KIF2A: variants seen among roughly 807,000 people sequenced by gnomAD.
KIF2A encodes kinesin family member 2A, also known as kinesin-like protein KIF2A.
Under a neutral mutation model 100.2 loss-of-function variants are expected in KIF2A, and 22 were observed. The ratio of observed to expected loss-of-function variants is 0.22; its 90% CI spans 0.16 to 0.31. The LOEUF (loss-of-function observed/expected upper bound fraction) is 0.31, where lower values mean the gene tolerates loss of function less well. Ranked by LOEUF, KIF2A falls within the 10% of genes least tolerant of loss-of-function variation. The pLI is 1.00. For synonymous variants in KIF2A, 268 were observed against 285.9 expected, an observed-to-expected ratio of 0.94 and a Z score of 0.63; for missense variants, 495 against 898.7, an observed-to-expected ratio of 0.55 and a Z score of 5.74.
Position 62,381,128 on chromosome 5 carries a change from G to A in KIF2A, c.2024G>A (p.Arg675Gln), listed in dbSNP as rs1195921358. The change falls in exon 20 of 21, where the codon CGG becomes CAG. Residue 675 changes from arginine to glutamine, a missense_variant. Transcript: ENST00000407818. ...DHRAVFQESI[R>Q]WLEDEKALLE... ...TTTTTGTCCTTGTAGGAATCTATTC[G>A]GTGGTTAGAAGATGAAAAGGCCCTC... 5 of 1,610,454 alleles carry A rather than the reference G, an allele frequency of 3.1e-6. No homozygotes were observed. The highest frequency in any genetic ancestry group is 1.3e-5 in the African/African-American group (1 of 74,884).
chr5:62,354,798 C>T (rs1748017198), intron 6 of KIF2A, among the ~76,000 whole-genome samples: 1 of 151,980 alleles, frequency 6.6e-6, no homozygotes, highest in African/African-American at 2.4e-5. Context: ...GAGTTATTTG[C>T]CAGTGGTAAC....
At chr5:62,334,689 C>T (rs899992394) in intron 1 of KIF2A, among the ~76,000 whole-genome samples, 1 of 152,092 alleles carries the variant, frequency 6.6e-6, no homozygotes, top group Non-Finnish European at 1.5e-5. Flanking sequence ...GCCAGAAGGT[C>T]GCAACAGCAG....
At chr5:62,350,435 G>T (rs1427895850) in intron 4 of KIF2A, among the ~76,000 whole-genome samples, 1 of 151,852 alleles carries the variant, frequency 6.6e-6, no homozygotes, top group Admixed American at 6.6e-5. Flanking sequence ...GAGCCACTAT[G>T]CCCAGCTAAT....
Position 62,365,343 on chromosome 5 carries a change from G to A in KIF2A, c.1568G>A (p.Arg523His), listed in dbSNP as rs1741017088. The change falls in exon 15 of 21, where the codon CGT (arginine) becomes CAT (histidine). Residue 523 changes from arginine to histidine, a missense_variant. Arg to His is a conservative substitution (Grantham distance 29). Coordinates refer to ENST00000407818, the MANE Select transcript of KIF2A (RefSeq NM_001098511.3). Reference sequence around the variant, plus strand: ...GATTCTTTCATAGGTGAAAACTCTCGTACCTGCATGGTAAGTTTATGTTTA... The same window carrying A: ...GATTCTTTCATAGGTGAAAACTCTCATACCTGCATGGTAAGTTTATGTTTA... ...LRDSFIGENS[R>H]TCMIATISPG... 6.6e-7 allele frequency: 1 copy of A among 1,522,104 alleles called. No individual in the cohort carries two copies. Among genetic ancestry groups the A allele is most frequent in the Non-Finnish European group, 9.0e-7 (1 of 1,105,520 alleles). The allele number at this position is 1,522,104 out of a possible 1,614,324, so 94.3% of individuals were successfully genotyped here. A position where few individuals can be genotyped will look rare whatever the true frequency, so the allele number is the denominator to read the frequency against.
intron 1 of KIF2A, among the ~76,000 whole-genome samples, chr5:62,335,601 T>C (rs1330049112): frequency 6.6e-6 from 1 of 152,074 alleles, no homozygotes; most frequent in Non-Finnish European, 1.5e-5. Context: ...TGTTGGAAAG[T>C]TGGGGATATA....
At chr5:62,315,082 G>A (rs546159510) in intron 1 of KIF2A, among the ~76,000 whole-genome samples, 65 of 151,922 alleles carry the variant, frequency 4.3e-4, no homozygotes, top group Admixed American at 1.6e-3. Context: ...CATTTTGACC[G>A]CAACCCATCA....
rs368368814 is a variant in KIF2A at position 62,388,970 on chromosome 5, TTTC to T, written c.*3404_*3406del. 705 of 1,568,446 alleles carry T rather than the reference TTTC, an allele frequency of 4.5e-4. 15 individuals carry two copies. The South Asian group carries it at 7.5e-3, about 17-fold the overall frequency. On this transcript the variant is annotated 3_prime_UTR_variant, in exon 21 of 21. Transcript: ENST00000407818. Reference sequence around the variant, plus strand: ...TCAAATACAAAAAATACAAAATTCATTTCTTTTCTTGACCTTGAAAATTTCTGT... The same window carrying T: ...TCAAATACAAAAAATACAAAATTCATTTTTCTTGACCTTGAAAATTTCTGT...
chr5:62,322,462 C>T (rs1314768861), intron 1 of KIF2A, among the ~76,000 whole-genome samples: 2 of 152,110 alleles, frequency 1.3e-5, no homozygotes. Context: ...CAAGATGAGA[C>T]CTACCTTTAT....
chr5:62,373,879 T>A (rs773176309), intron 18 of KIF2A, 42 bp downstream of exon 18: 2 of 1,460,462 alleles, frequency 1.4e-6, no homozygotes, highest in Admixed American at 3.4e-5. Context: ...CTTAGTTCAT[T>A]TCATCAGTAG....
At chr5:62,385,237 GC>G (rs1170232594) in intron 20 of KIF2A, among the ~76,000 whole-genome samples, 1 of 152,108 alleles carries the variant, frequency 6.6e-6, no homozygotes, top group East Asian at 1.9e-4. Flanking sequence ...CTGTAAATGT[GC>G]CAAACAGAAC....
chr5:62,378,725 C>A (rs1181040296), intron 19 of KIF2A, among the ~76,000 whole-genome samples: 1 of 152,104 alleles, frequency 6.6e-6, no homozygotes, highest in Admixed American at 6.6e-5. Context: ...CAAGACTAGC[C>A]TGGGCAACAT....
rs958348972 is a variant in KIF2A at position 62,361,494 on chromosome 5, A to G, written c.992A>G (p.Asn331Ser). ...HTMGGDFSGK[N>S]QDCSKGIYAL... ...ATGGGTGGTGACTTTTCAGGAAAGA[A>G]CCAAGATTGTTCTAAAGGAATTTAT... Residue 331 changes from asparagine (N) to serine (S), a missense_variant, in exon 11 of 21, where the codon AAC becomes AGC. Physicochemically the swap from Asn to Ser is conservative, Grantham distance 46. Transcript: ENST00000407818. 16 of 1,586,104 alleles carry G rather than the reference A, an allele frequency of 1.0e-5. No homozygotes were observed. Among genetic ancestry groups the G allele is most frequent in the Admixed American group, 1.7e-5 (1 of 59,804 alleles).
At position 62,363,237 on chromosome 5, in the gene KIF2A, G is replaced by A; in HGVS notation, c.1179G>A (p.Gln393=). Residue 393 remains glutamine, a synonymous_variant, in exon 13 of 21, where the codon CAG becomes CAA. Transcript: ENST00000407818. ...GAGTTCTAGAAGATGGAAAACAGCA[G>A]GTTCAAGTGGTGGGATTACAGGAAC... ...KLRVLEDGKQ[Q]VQVVGLQERE... 3.1e-6 allele frequency: 5 copies of A among 1,613,252 alleles called. No homozygotes were observed. The highest frequency in any genetic ancestry group is 4.2e-6 in the Non-Finnish European group (5 of 1,179,418).
At chr5:62,325,222 C>G (rs1447629244) in intron 1 of KIF2A, among the ~76,000 whole-genome samples, 1 of 151,978 alleles carries the variant, frequency 6.6e-6, no homozygotes, top group East Asian at 1.9e-4. Context: ...CCTCCTGGGT[C>G]AAGTGGTTCT....
chr5:62,349,798 GA>G (rs146178245), intron 3 of KIF2A, among the ~76,000 whole-genome samples: 137 of 152,276 alleles, frequency 9.0e-4, no homozygotes, highest in African/African-American at 3.1e-3. Flanking sequence ...CAGTAGTAAT[GA>G]CCTCATAGGT....
chr5:62,357,720 A>G lies in KIF2A; in HGVS notation c.684A>G (p.Val228=). 1 of 1,563,216 alleles carries G rather than the reference A, an allele frequency of 6.4e-7. No homozygotes were observed. Among genetic ancestry groups the G allele is most frequent in the Non-Finnish European group, 8.8e-7 (1 of 1,136,778 alleles). ...PIDEHRICVC[V]RKRPLNKKET... Reference sequence around the variant, plus strand: ...ATGAACATAGGATATGTGTGTGTGTAAGAAAACGACCACTCAATAAAAAAG... The same window carrying G: ...ATGAACATAGGATATGTGTGTGTGTGAGAAAACGACCACTCAATAAAAAAG... Residue 228 remains valine (V), a synonymous_variant, in exon 8 of 21, where the codon GTA becomes GTG. Coordinates refer to ENST00000407818, the MANE Select transcript of KIF2A (RefSeq NM_001098511.3).
chr5:62,375,619 G>C (rs1031928833), intron 18 of KIF2A, among the ~76,000 whole-genome samples: 1 of 152,184 alleles, frequency 6.6e-6, no homozygotes, highest in African/African-American at 2.4e-5. Flanking sequence ...CTTTGTAGCA[G>C]ATACTTAGCC....
intron 1 of KIF2A, among the ~76,000 whole-genome samples, chr5:62,315,182 A>G (rs1039900306): frequency 2.0e-5 from 3 of 149,514 alleles, no homozygotes; most frequent in African/African-American, 7.4e-5. Flanking sequence ...AAGAATGCTC[A>G]GCCTGTGGTG....
chr5:62,316,262 C>T (rs896525877), intron 1 of KIF2A, among the ~76,000 whole-genome samples: 1 of 152,220 alleles, frequency 6.6e-6, no homozygotes, highest in Non-Finnish European at 1.5e-5. Context: ...AGCCAGGACC[C>T]TCTCAGAATT....
Sources: gnomAD v4.1 joint callset for allele counts (sites outside exome capture counted in the v4.1 genomes callset) on GRCh38, gnomAD v4.1.1 for gene constraint, MANE v1.5 for transcripts, NCBI Gene and HGNC (gene_info 2026-07-23, HGNC 2026-07-21) for gene names.